NTNG2: variants seen among roughly 807,000 people sequenced by gnomAD.
The protein encoded by NTNG2 is netrin-G2.
A neutral mutation model predicts 47.6 loss-of-function variants in NTNG2; 15 were observed. That is an observed-to-expected ratio of 0.32 (90% confidence interval 0.21 to 0.49). NTNG2 has a LOEUF of 0.49. Ranked by LOEUF, NTNG2 falls within the 20% of genes least tolerant of loss-of-function variation. The pLI is 0.99. For missense variants in NTNG2, 578 were observed against 764.6 expected, an observed-to-expected ratio of 0.76 and a Z score of 2.88; for synonymous variants, 307 against 324.6, an observed-to-expected ratio of 0.95 and a Z score of 0.58.
At chr9:132,201,000 G>A (rs898777623) in intron 3 of NTNG2, among the ~76,000 whole-genome samples, 3 of 152,248 alleles carry the variant, frequency 2.0e-5, no homozygotes, top group Non-Finnish European at 2.9e-5. Context: ...AGCTCCCCAG[G>A]CCCTGCAGGC....
At chr9:132,172,880 C>A (rs1289194633) in intron 2 of NTNG2, among the ~76,000 whole-genome samples, 1 of 152,074 alleles carries the variant, frequency 6.6e-6, no homozygotes. Flanking sequence ...CAGGCACCTG[C>A]CACCACGCCA....
In NTNG2 at chr9:132,198,014, C is replaced by G; in HGVS notation, c.262C>G (p.Leu88Val). The G allele has an allele frequency of 6.2e-7, 1 of 1,613,634 alleles. No homozygotes were observed. Among genetic ancestry groups the G allele is most frequent in the Non-Finnish European group, 8.5e-7 (1 of 1,180,026 alleles). Residue 88 changes from leucine (L) to valine (V), a missense_variant, in exon 3 of 8, where the codon CTG becomes GTG. Transcript: ENST00000393229. ...SNECDASNPD[L>V]AHPPRLMFDK... ...CGAGTGTGACGCCTCCAACCCGGACCTGGCCCACCCGCCCAGGCTCATGTT... is the reference window on the plus strand; with the variant it reads ...CGAGTGTGACGCCTCCAACCCGGACGTGGCCCACCCGCCCAGGCTCATGTT...
At chr9:132,237,962 C>T (rs1214864571) in intron 5 of NTNG2, among the ~76,000 whole-genome samples, 1 of 152,192 alleles carries the variant, frequency 6.6e-6, no homozygotes, top group Non-Finnish European at 1.5e-5. Flanking sequence ...GGAGTGCCCA[C>T]CATCTCTCCT....
At chr9:132,233,268 T>C (rs749108471) in intron 5 of NTNG2, 1 of 152,292 alleles carries the variant, frequency 6.6e-6, no homozygotes. Flanking sequence ...CCATATCACA[T>C]GTGCAAGTGC....
intron 3 of NTNG2, among the ~76,000 whole-genome samples, chr9:132,202,421 G>A (rs891395870): frequency 6.6e-6 from 1 of 152,146 alleles, no homozygotes; most frequent in Non-Finnish European, 1.5e-5. Flanking sequence ...GTGGGCTGCC[G>A]GTGGCTCTGA....
intron 2 of NTNG2, among the ~76,000 whole-genome samples, chr9:132,193,960 G>A (rs570140244): frequency 1.3e-5 from 2 of 152,148 alleles, no homozygotes; most frequent in South Asian, 2.1e-4. Context: ...CGTCTCATCC[G>A]GCAGCCAAAC....
intron 4 of NTNG2, among the ~76,000 whole-genome samples, chr9:132,229,027 G>A (rs1393675033): frequency 1.3e-5 from 2 of 152,078 alleles, no homozygotes; most frequent in Non-Finnish European, 2.9e-5. Context: ...GGCCTGTAGG[G>A]GCTGGGCAGC....
intron 3 of NTNG2, among the ~76,000 whole-genome samples, chr9:132,214,523 T>A (rs1839833502): frequency 6.6e-6 from 1 of 152,132 alleles, no homozygotes; most frequent in Non-Finnish European, 1.5e-5. Context: ...ACAGTTGTGG[T>A]CTCCAGGGGC....
At chr9:132,240,744 G>A (rs1841921731) in intron 6 of NTNG2, 166 bp from the exon 7 acceptor site, 1 of 979,502 alleles carries the variant, frequency 1.0e-6, no homozygotes, top group Non-Finnish European at 1.5e-6. Context: ...TGGCCACCCT[G>A]GGAAGTCCCC....
chr9:132,184,521 G>A (rs1419013648), intron 2 of NTNG2, among the ~76,000 whole-genome samples: 2 of 152,238 alleles, frequency 1.3e-5, no homozygotes, highest in Non-Finnish European at 2.9e-5. Context: ...AATTTAAGCA[G>A]ACACCTGCCA....
intron 7 of NTNG2, 32 bp from the exon 8 acceptor site, chr9:132,241,844 C>A (rs374514879): frequency 6.8e-6 from 10 of 1,476,380 alleles, no homozygotes; most frequent in Non-Finnish European, 8.2e-6. Context: ...GACCGGGCCA[C>A]CCCCCGTGCT....
chr9:132,231,568 C>T lies in NTNG2; in HGVS notation c.1054+973C>T, dbSNP rs1010830508. On this transcript the variant is annotated intron_variant, in intron 5 of 7. Transcript: ENST00000393229. The surrounding 1 kb of genome is among the most constrained non-coding windows in gnomAD (Gnocchi z 4.1). The stretch of plus-strand genomic sequence containing the variant: ...CAGGGACGCTGGTCTGCACAGCCGT[C>T]GTAAGTTGCTTCTCTGTGGTGTCCC... The T allele has an allele frequency of 6.2e-6, 2 of 321,140 alleles. No individual in the cohort carries two copies. The highest frequency in any genetic ancestry group is 1.2e-5 in the Non-Finnish European group (2 of 162,500). 19.9% of individuals were successfully genotyped at this position (321,140 alleles called of 1,614,324 possible).
At chr9:132,165,638 T>C (rs1267622734) in intron 1 of NTNG2, among the ~76,000 whole-genome samples, 1 of 152,256 alleles carries the variant, frequency 6.6e-6, no homozygotes, top group Admixed American at 6.5e-5. Context: ...TCTGCACCTA[T>C]AGTTACATGC....
At chr9:132,222,985 G>T (rs184024255) in intron 3 of NTNG2, among the ~76,000 whole-genome samples, 1 of 152,100 alleles carries the variant, frequency 6.6e-6, no homozygotes, top group Non-Finnish European at 1.5e-5. Flanking sequence ...ATGGTGGCAC[G>T]CGACTGTGGT....
In NTNG2 at chr9:132,241,944, G is replaced by T. The variant is rs868051316; in HGVS notation, c.1426G>T (p.Ala476Ser). 1.3e-6 allele frequency: 2 copies of T among 1,560,236 alleles called. No individual in the cohort carries two copies. The highest frequency in any genetic ancestry group is 8.6e-7 in the Non-Finnish European group (1 of 1,161,300). Residue 476 changes from alanine to serine, a missense_variant, in exon 8 of 8, where the codon GCC (alanine) becomes TCC (serine). By Grantham distance (99) the Ala-to-Ser change is moderately conservative (BLOSUM62 1). Coordinates refer to ENST00000393229, the MANE Select transcript of NTNG2 (RefSeq NM_032536.4). ...CACCTGCCTGCAGAACCAGCGCTGC[G>T]CCTGCCCGCGCGGCTACACCGGCGT... Reference protein sequence around the residue: ...GGTCLQNQRCACPRGYTGVRC... With the variant: ...GGTCLQNQRCSCPRGYTGVRC...
Position 132,166,670 on chromosome 9 carries a change from T to A in NTNG2, c.-162T>A, listed in dbSNP as rs1390311860. 1 of 641,162 alleles carries A rather than the reference T, an allele frequency of 1.6e-6. No homozygotes were observed. The highest frequency in any genetic ancestry group is 2.7e-6 in the Non-Finnish European group (1 of 364,906). The allele number at this position is 641,162 out of a possible 1,614,324, so 39.7% of individuals were successfully genotyped here. A position where few individuals can be genotyped will look rare whatever the true frequency, so the allele number is the denominator to read the frequency against. On this transcript the variant is annotated 5_prime_UTR_variant, in exon 2 of 8. Transcript: ENST00000393229. The stretch of plus-strand genomic sequence containing the variant: ...TGTCGGCCTTTTGGAAACAACAAGT[T>A]CCTCGCTGTTTGCAAAGCTTCAGTG...
intron 3 of NTNG2, among the ~76,000 whole-genome samples, chr9:132,222,949 A>G (rs1840449044): frequency 6.6e-6 from 1 of 152,112 alleles, no homozygotes; most frequent in Non-Finnish European, 1.5e-5. Context: ...TATCTCCACA[A>G]AAAATAAAAA....
chr9:132,192,452 G>A (rs576425851), intron 2 of NTNG2, among the ~76,000 whole-genome samples: 2 of 152,284 alleles, frequency 1.3e-5, no homozygotes, highest in East Asian at 1.9e-4. Context: ...TTAGCCAGGC[G>A]TGGTGGCGCA....
At chr9:132,202,797 G>A (rs1173066588) in intron 3 of NTNG2, among the ~76,000 whole-genome samples, 4 of 152,186 alleles carry the variant, frequency 2.6e-5, no homozygotes, top group Non-Finnish European at 4.4e-5. Context: ...CTTTGGGACC[G>A]GGAGGCTTGG....
Sources: allele counts gnomAD v4.1 joint callset (sites outside exome capture counted in the v4.1 genomes callset), GRCh38; gene constraint gnomAD v4.1.1; non-coding constraint Gnocchi (gnomAD v3.1); transcripts MANE v1.5; gene names NCBI Gene and HGNC (gene_info 2026-07-23, HGNC 2026-07-21).